Variants in PTPRR observed in about 807,000 individuals in gnomAD.
PTPRR encodes receptor-type tyrosine-protein phosphatase R.
In PTPRR, 38 loss-of-function variants were observed where a neutral mutation model predicts 77.2. That is an observed-to-expected ratio of 0.49 (90% CI 0.38 to 0.65). PTPRR has a LOEUF of 0.65. PTPRR is among the 30% of genes least tolerant of loss of function. PTPRR has a pLI of 0.00. For missense variants in PTPRR, 744 were observed against 799.2 expected (o/e 0.93, Z 0.83); for synonymous variants, 299 against 283.1 (o/e 1.06, Z -0.57).
At chr12:70,715,513 C>T (rs73341017) in intron 6 of PTPRR, among the ~76,000 whole-genome samples, 9,369 of 152,180 alleles carry the variant, frequency 0.062, 973 homozygotes, top group African/African-American at 0.21. Context: ...AGCCTGGGAG[C>T]GCTATGCAAG....
At chr12:70,852,683 A>G (rs1403862283) in intron 2 of PTPRR, among the ~76,000 whole-genome samples, 2 of 152,200 alleles carry the variant, frequency 1.3e-5, no homozygotes, top group African/African-American at 4.8e-5. Flanking sequence ...TAGACAACAG[A>G]AAAGGAGTTC....
chr12:70,712,440 T>C (rs1888859392), intron 6 of PTPRR, among the ~76,000 whole-genome samples: 1 of 151,568 alleles, frequency 6.6e-6, no homozygotes, highest in Admixed American at 6.6e-5. Context: ...AATAATTCAT[T>C]TTTTTCTGGG....
chr12:70,785,113 C>T (rs1258705279), intron 2 of PTPRR, among the ~76,000 whole-genome samples: 1 of 152,152 alleles, frequency 6.6e-6, no homozygotes, highest in Non-Finnish European at 1.5e-5. Flanking sequence ...CCATCCTGTC[C>T]CTTCACATTA....
At chr12:70,872,366 A>G (rs1017573354) in intron 2 of PTPRR, among the ~76,000 whole-genome samples, 1 of 151,880 alleles carries the variant, frequency 6.6e-6, no homozygotes, top group East Asian at 1.9e-4. Context: ...TTTTCAAAGG[A>G]AAGATAGCAG....
chr12:70,755,370 T>C (rs1310708076), intron 4 of PTPRR, among the ~76,000 whole-genome samples: 2 of 152,150 alleles, frequency 1.3e-5, no homozygotes, highest in African/African-American at 2.4e-5. Context: ...TTTGAAATCA[T>C]TGCTAATTTA....
chr12:70,867,865 C>A (rs569071679), intron 2 of PTPRR, among the ~76,000 whole-genome samples: 51 of 152,162 alleles, frequency 3.4e-4, no homozygotes, highest in African/African-American at 1.0e-3. Context: ...CAGAACAGAG[C>A]CCTCAGAAAT....
intron 2 of PTPRR, among the ~76,000 whole-genome samples, chr12:70,846,583 A>G (rs1255050284): frequency 1.3e-5 from 2 of 151,934 alleles, no homozygotes; most frequent in African/African-American, 2.4e-5. Context: ...GCCTTTAGGG[A>G]TTGATTAGAT....
At chr12:70,701,357 A>G (rs373912779) in intron 6 of PTPRR, 34 bp from the exon 7 acceptor site, 14 of 1,585,124 alleles carry the variant, frequency 8.8e-6, no homozygotes, top group Non-Finnish European at 1.2e-5. Flanking sequence ...TTTAAACACC[A>G]CATACTTATT....
At chr12:70,892,438 C>T (rs1331316820) in intron 2 of PTPRR, among the ~76,000 whole-genome samples, 1 of 152,002 alleles carries the variant, frequency 6.6e-6, no homozygotes, top group African/African-American at 2.4e-5. Context: ...TATTAAGCAT[C>T]TACCATGTAC....
chr12:70,843,708 T>G (rs1052082263), intron 2 of PTPRR, among the ~76,000 whole-genome samples: 1 of 152,134 alleles, frequency 6.6e-6, no homozygotes, highest in Admixed American at 6.6e-5. Context: ...AGAACTGTTA[T>G]ATAGAATGAC....
chr12:70,878,342 A>G (rs979748588), intron 2 of PTPRR, among the ~76,000 whole-genome samples: 3 of 152,214 alleles, frequency 2.0e-5, no homozygotes, highest in Non-Finnish European at 2.9e-5. Context: ...AACTTTTGCA[A>G]GCTGCTCACC....
At position 70,840,286 on chromosome 12, in the gene PTPRR, G is replaced by A. The variant is rs182306940; in HGVS notation, c.357+52393C>T. Among the ~76,000 whole-genome samples the A allele has an allele frequency of 3.3e-5, 5 of 152,152 alleles. No homozygotes were observed. In the East Asian group the frequency reaches 7.7e-4, roughly 24 times the overall value. On this transcript the variant is annotated intron_variant, in intron 2 of 13. Coordinates refer to ENST00000283228, the MANE Select transcript of PTPRR (RefSeq NM_002849.4). ...TTCTTCCATCTCCAAAGCCAGAATA[G>A]CCTTGCTATGTTCTGCTCACACTGC...
intron 8 of PTPRR, among the ~76,000 whole-genome samples, chr12:70,689,571 G>A (rs560585516): frequency 2.0e-5 from 3 of 152,006 alleles, no homozygotes; most frequent in Non-Finnish European, 4.4e-5. Flanking sequence ...TTGTTTATAC[G>A]TATCTTCCGT....
At chr12:70,878,433 G>A (rs899102199) in intron 2 of PTPRR, among the ~76,000 whole-genome samples, 60 of 152,198 alleles carry the variant, frequency 3.9e-4, no homozygotes, top group Non-Finnish European at 7.9e-4. Flanking sequence ...ATCAAAAAGG[G>A]GGCAAAGGAT....
chr12:70,650,208 C>T (rs1022966783), intron 13 of PTPRR, among the ~76,000 whole-genome samples: 11 of 151,940 alleles, frequency 7.2e-5, no homozygotes, highest in Non-Finnish European at 1.3e-4. Context: ...TTTGGCAGCC[C>T]GAGGCAGGTG....
intron 2 of PTPRR, among the ~76,000 whole-genome samples, chr12:70,882,246 T>C (rs556559481): frequency 6.6e-6 from 1 of 152,350 alleles, no homozygotes; most frequent in African/African-American, 2.4e-5. Context: ...GGCTTAGCCC[T>C]GGAGGTATTT....
At chr12:70,864,939 G>A (rs1310165519) in intron 2 of PTPRR, among the ~76,000 whole-genome samples, 4 of 152,100 alleles carry the variant, frequency 2.6e-5, no homozygotes, top group Non-Finnish European at 5.9e-5. Flanking sequence ...AGCCTCCTGA[G>A]TAGCTGGGAT....
chr12:70,832,222 T>C (rs925634902), intron 2 of PTPRR, among the ~76,000 whole-genome samples: 2 of 152,180 alleles, frequency 1.3e-5, no homozygotes, highest in Non-Finnish European at 1.5e-5. Context: ...TAAATTTAAA[T>C]ACCTTTGGTG....
Position 70,656,835 on chromosome 12 carries a change from G to T in PTPRR, c.1767-18C>A, listed in dbSNP as rs756388470. 2 of 1,529,406 alleles carry T rather than the reference G, an allele frequency of 1.3e-6. No homozygotes were observed. Among genetic ancestry groups the T allele is most frequent in the Non-Finnish European group, 1.8e-6 (2 of 1,110,878 alleles). 94.7% of individuals were successfully genotyped at this position (1,529,406 alleles called of 1,614,324 possible). A position where few individuals can be genotyped will look rare whatever the true frequency, so the allele number is the denominator to read the frequency against. On this transcript the variant is annotated intron_variant, in intron 12 of 13. Transcript: ENST00000283228. ...TTCCTGCACTGAAAAGAAAAGAAAA[G>T]AAATTTAAAAAGTGGGGGAAAATGA...
Sources: gnomAD v4.1 joint callset for allele counts (sites outside exome capture counted in the v4.1 genomes callset) on GRCh38, gnomAD v4.1.1 for gene constraint, MANE v1.5 for transcripts, NCBI Gene and HGNC (gene_info 2026-07-23, HGNC 2026-07-21) for gene names.